The following SMG1 variants were observed in gnomAD, a reference collection of about 807,000 sequenced individuals.
SMG1 encodes serine/threonine-protein kinase SMG1.
SMG1 carries 22 observed loss-of-function variants against 419.9 expected under a neutral mutation model. That is an observed-to-expected ratio of 0.05 (90% CI 0.04 to 0.07). The LOEUF is 0.07. SMG1 is among the 10% of genes least tolerant of loss of function. The pLI, the probability that SMG1 is intolerant of heterozygous loss-of-function variation, is 1.00. For missense variants in SMG1, 3,185 were observed against 4,342.0 expected (o/e 0.73, Z 7.49); for synonymous variants, 1,538 against 1,553.5 (o/e 0.99, Z 0.23).
chr16:18,849,467 G>A, intron 35 of SMG1, 89 bp from the exon 36 acceptor site: 3 of 1,243,174 alleles, frequency 2.4e-6, no homozygotes. Context: ...GATAAAACGT[G>A]ATGTGTGTCG....
chr16:18,842,407 G>C lies in SMG1; in HGVS notation c.6267C>G (p.Ile2089Met). The C allele has an allele frequency of 3.1e-6, 5 of 1,613,930 alleles. No individual in the cohort carries two copies. Among genetic ancestry groups the C allele is most frequent in the Non-Finnish European group, 4.2e-6 (5 of 1,179,834 alleles). ...QQRAQKRASYILRLEEISPWL... is the reference protein window; with the variant it reads ...QQRAQKRASYMLRLEEISPWL... ...ATGGACTGATTTCTTCAAGACGCAA[G>C]ATGTAACTTGCACGTTTCTGTGCTC... The change falls in exon 40 of 63, where the codon ATC (isoleucine) becomes ATG (methionine). Residue 2089 changes from isoleucine (I) to methionine (M), a missense_variant. This residue lies in a region of SMG1 where 159 missense variants were observed against 196.0 expected (regional missense o/e 0.81). Transcript: ENST00000446231.
chr16:18,922,145 G>C (rs1005365718), intron 1 of SMG1, among the ~76,000 whole-genome samples: 2 of 152,148 alleles, frequency 1.3e-5, no homozygotes, highest in Admixed American at 6.6e-5. Context: ...ATATTAAAAT[G>C]TACAATTATG....
At chr16:18,837,915 C>T in intron 45 of SMG1, 99 bp downstream of exon 45, 1 of 1,355,342 alleles carries the variant, frequency 7.4e-7, no homozygotes, top group Non-Finnish European at 1.0e-6. Flanking sequence ...TTAGTTTTGC[C>T]AAAAAAATTA....
chr16:18,909,903 A>C (rs1347506145), intron 1 of SMG1, among the ~76,000 whole-genome samples: 2 of 151,944 alleles, frequency 1.3e-5, no homozygotes, highest in African/African-American at 4.8e-5. Flanking sequence ...GTCTACACAA[A>C]CCCTATCTTT....
chr16:18,836,145 C>T lies in SMG1; in HGVS notation c.7845G>A (p.Gln2615=), dbSNP rs781373690. The change falls in exon 48 of 63, where the codon CAG becomes CAA. Residue 2615 remains glutamine (Q), a synonymous_variant. Transcript: ENST00000446231. ...CAACCTCCCCCTCCAGCTGCTCGCACTGGCTAATCAAGTGGGCCTGACCAG... is the reference window on the plus strand; with the variant it reads ...CAACCTCCCCCTCCAGCTGCTCGCATTGGCTAATCAAGTGGGCCTGACCAG... ...QNAGQAHLIS[Q]CEQLEGEVGA... is the part of the protein sequence containing the mutation. 1.9e-6 allele frequency: 3 copies of T among 1,610,952 alleles called. No homozygotes were observed. Among genetic ancestry groups the T allele is most frequent in the African/African-American group, 2.7e-5 (2 of 74,916 alleles).
At chr16:18,908,412 G>C (rs560503876) in intron 1 of SMG1, among the ~76,000 whole-genome samples, 38 of 121,690 alleles carry the variant, frequency 3.1e-4, no homozygotes, top group Admixed American at 1.7e-3. Flanking sequence ...CGAAGATTAA[G>C]AATCACTAAG....
chr16:18,838,715 A>G, intron 42 of SMG1, 26 bp from the exon 43 acceptor site: 1 of 1,475,510 alleles, frequency 6.8e-7, no homozygotes, highest in Middle Eastern at 1.8e-4. Context: ...TGGGGGCAGC[A>G]AGTGAAACAC....
intron 27 of SMG1, 54 bp downstream of exon 27, chr16:18,859,502 T>G: frequency 2.3e-6 from 2 of 851,978 alleles, no homozygotes; most frequent in Non-Finnish European, 3.7e-6. Flanking sequence ...ACCCCATGTA[T>G]GTTTATCACA....
At chr16:18,843,151 C>T (rs1009239490) in intron 39 of SMG1, among the ~76,000 whole-genome samples, 2 of 152,162 alleles carry the variant, frequency 1.3e-5, no homozygotes, top group East Asian at 1.9e-4. Flanking sequence ...AGCTAGCAGT[C>T]GGCTGTCAGG....
In SMG1 at chr16:18,872,515, G is replaced by A. The variant is rs1260051404; in HGVS notation, c.2000C>T (p.Thr667Ile). 4.5e-6 allele frequency: 7 copies of A among 1,548,000 alleles called. No homozygotes were observed. The highest frequency in any genetic ancestry group is 6.0e-6 in the Non-Finnish European group (7 of 1,157,896). Residue 667 changes from threonine to isoleucine, a missense_variant, in exon 14 of 63, where the codon ACA (threonine) becomes ATA (isoleucine). This residue lies in a region of SMG1 where 297 missense variants were observed against 491.0 expected (regional missense o/e 0.60). Transcript: ENST00000446231. ...FPAIQYAVLY[T>I]LYSHCTRHDH... is the part of the protein sequence containing the mutation. ...GTACCTGGTACAATGAGAATACAAT[G>A]TGTAGAGCACAGCATACTGAATGGC...
rs571606513 is a variant in SMG1 at position 18,809,263 on chromosome 16, C to A, written c.*306G>T. 1 of 327,070 alleles carries A rather than the reference C, an allele frequency of 3.1e-6. No homozygotes were observed. The highest frequency in any genetic ancestry group is 5.8e-5 in the East Asian group (1 of 17,182). The allele number at this position is 327,070 out of a possible 1,614,324, so 20.3% of individuals were successfully genotyped here. ...GCTCCGCGGCATCCCGATTTCTTTC[C>A]GCAGCTAACCTCCCGACACGTCTGC... On this transcript the variant is annotated 3_prime_UTR_variant, in exon 63 of 63. Transcript: ENST00000446231.
rs2037159613 is a variant in SMG1, at chr16:18,897,022, G to C, written c.93-66C>G. On this transcript the variant is annotated intron_variant, in intron 1 of 62. Transcript: ENST00000446231. ...CATAAATAAATATTTCTTTATACAAGCCTCTCTTCTCCCAAATTTTACATT... is the reference window on the plus strand; with the variant it reads ...CATAAATAAATATTTCTTTATACAACCCTCTCTTCTCCCAAATTTTACATT... 4 of 1,173,624 alleles carry C rather than the reference G, an allele frequency of 3.4e-6. No homozygotes were observed. In the South Asian group the frequency reaches 6.0e-5, roughly 18 times the overall value. 72.7% of individuals were successfully genotyped at this position (1,173,624 alleles called of 1,614,324 possible).
At chr16:18,888,719 G>A (rs2036748064) in intron 6 of SMG1, among the ~76,000 whole-genome samples, 1 of 151,664 alleles carries the variant, frequency 6.6e-6, no homozygotes, top group Non-Finnish European at 1.5e-5. Flanking sequence ...TTCCACCTCG[G>A]CCTCCCAAAG....
chr16:18,853,857 T>C lies in SMG1; in HGVS notation c.4494A>G (p.Thr1498=). The change falls in exon 31 of 63, where the codon ACA becomes ACG. Residue 1498 remains threonine (T), a synonymous_variant. Transcript: ENST00000446231. The part of the protein sequence containing the change: ...TKLLYTAGQS[T]HAMEMLSSCA... ...AAGAACTCAACATTTCCATTGCATG[T>C]GTTGACTGGCCTACAGAAAACCACA... 6.2e-7 allele frequency: 1 copy of C among 1,610,274 alleles called. No homozygotes were observed. Among genetic ancestry groups the C allele is most frequent in the Non-Finnish European group, 8.5e-7 (1 of 1,177,574 alleles).
intron 36 of SMG1, 96 bp downstream of exon 36, chr16:18,849,121 A>G (rs1373807519): frequency 6.8e-6 from 4 of 590,862 alleles, no homozygotes; most frequent in Non-Finnish European, 1.0e-5. Context: ...ACAAACTCTA[A>G]CAACTCTGGA....
At chr16:18,877,305 C>T (rs2036180526) in intron 11 of SMG1, 73 bp from the exon 12 acceptor site, 6 of 1,117,974 alleles carry the variant, frequency 5.4e-6, no homozygotes, top group African/African-American at 1.6e-5. Flanking sequence ...TAAATGCACA[C>T]TGATAAGTGA....
At chr16:18,864,452 CCTCCCAAAA>C (rs1159503032) in intron 23 of SMG1, among the ~76,000 whole-genome samples, 22 of 152,068 alleles carry the variant, frequency 1.4e-4, no homozygotes, top group African/African-American at 5.1e-4. Flanking sequence ...CCTGCCTCGG[CCTCCCAAAA>C]TGCTGGGATT....
Position 18,819,520 on chromosome 16 carries a change from C to T in SMG1, c.9876G>A (p.Glu3292=). The change falls in exon 56 of 63, where the codon GAG becomes GAA. Residue 3292 remains glutamate (E), a synonymous_variant. Coordinates refer to ENST00000446231, the MANE Select transcript of SMG1 (RefSeq NM_015092.5). The part of the protein sequence containing the change: ...IAERRNLVLK[E]SQRASQVTFL... ...ACAATACCTGACTTGCTCTTTGGCT[C>T]TCTTTAAGGACAAGATTTCTTCTTT... The T allele has an allele frequency of 6.2e-7, 1 of 1,610,472 alleles. No individual in the cohort carries two copies. Among genetic ancestry groups the T allele is most frequent in the Middle Eastern group, 1.7e-4 (1 of 6,054 alleles).
At chr16:18,895,064 G>A (rs567598136) in intron 3 of SMG1, among the ~76,000 whole-genome samples, 27 of 151,830 alleles carry the variant, frequency 1.8e-4, no homozygotes, top group Middle Eastern at 3.4e-3. Flanking sequence ...TGATCCGCCC[G>A]TCTCAGCCTC....
Sources: gnomAD v4.1 joint callset for allele counts (sites outside exome capture counted in the v4.1 genomes callset) on GRCh38, gnomAD v4.1.1 for gene constraint, gnomAD v4.1.1 regional missense constraint, MANE v1.5 for transcripts, NCBI Gene and HGNC (gene_info 2026-07-23, HGNC 2026-07-21) for gene names.